The following PGM1 variants were observed in gnomAD, a reference collection of about 807,000 sequenced individuals.
PGM1 encodes phosphoglucomutase 1.
In PGM1, 52 loss-of-function variants were observed where a neutral mutation model predicts 55.6. The ratio of observed to expected loss-of-function variants is 0.94; its 90% CI spans 0.75 to 1.18. The LOEUF (loss-of-function observed/expected upper bound fraction) is 1.18. PGM1 is among the 50% of genes most tolerant of loss of function. The pLI is 0.00. For missense variants in PGM1, 724 were observed against 729.3 expected (o/e 0.99, Z 0.08); for synonymous variants, 287 against 271.7 (o/e 1.06, Z -0.55).
At chr1:63,615,874 A>G (rs1297892521) in intron 1 of PGM1, among the ~76,000 whole-genome samples, 2 of 151,874 alleles carry the variant, frequency 1.3e-5, no homozygotes, top group Admixed American at 1.3e-4. Context: ...CTGCCACAAA[A>G]CTTAAAGGGG....
chr1:63,593,796 G>T, intron 1 of PGM1, 62 bp downstream of exon 1: 1 of 1,486,208 alleles, frequency 6.7e-7, no homozygotes, highest in South Asian at 1.3e-5. Context: ...TGCGGCCCGC[G>T]GCGCCCTCCC....
At chr1:63,629,226 G>A (rs755314488) in intron 1 of PGM1, among the ~76,000 whole-genome samples, 199 bp from the exon 2 acceptor site, 2 of 152,166 alleles carry the variant, frequency 1.3e-5, no homozygotes, top group Non-Finnish European at 2.9e-5. Flanking sequence ...GAAGGAATTT[G>A]TTCAACATTG....
At chr1:63,604,959 G>GTGTGTGTGTGTGTGTGTGTT (rs58900430) in intron 1 of PGM1, among the ~76,000 whole-genome samples, 62 of 134,290 alleles carry the variant, frequency 4.6e-4, no homozygotes, top group African/African-American at 5.6e-4. Context: ...GTGTGTGTGT[G>GTGTGTGTGTGTGTGTGTGTT]TAAAGAGAGG....
Position 63,638,749 on chromosome 1 carries a change from T to G in PGM1, c.1093T>G (p.Leu365Val). ...TPTGWKFFGN[L>V]MDASKLSLCG... ...AACTGGCTGGAAGTTTTTTGGGAAT[T>G]TGATGGACGCGAGCAAACTGTCCCT... The change falls in exon 7 of 11, where the codon TTG (leucine) becomes GTG (valine). Residue 365 changes from leucine (L) to valine (V), a missense_variant. Leu to Val is a conservative substitution (Grantham distance 32). This residue lies in a region of PGM1 where 316 missense variants were observed against 313.1 expected (regional missense o/e 1.01). Transcript: ENST00000371084. 2 of 1,614,120 alleles carry G rather than the reference T, an allele frequency of 1.2e-6. No homozygotes were observed. The highest frequency in any genetic ancestry group is 1.7e-6 in the Non-Finnish European group (2 of 1,179,982).
At chr1:63,616,946 C>T (rs1648730201) in intron 1 of PGM1, among the ~76,000 whole-genome samples, 3 of 152,184 alleles carry the variant, frequency 2.0e-5, no homozygotes, top group South Asian at 4.1e-4. Context: ...AGATTCAGAG[C>T]AGTGCTAAAG....
intron 1 of PGM1, among the ~76,000 whole-genome samples, chr1:63,605,002 G>A (rs1648377753): frequency 6.7e-6 from 1 of 149,692 alleles, no homozygotes; most frequent in African/African-American, 2.4e-5. Context: ...ATGTAGACCA[G>A]TCACTAGCCA....
At chr1:63,644,275 G>C (rs1649596634) in intron 7 of PGM1, among the ~76,000 whole-genome samples, 1 of 152,208 alleles carries the variant, frequency 6.6e-6, no homozygotes, top group Non-Finnish European at 1.5e-5. Context: ...GCGGAGCAAG[G>C]GTGAAGAGAC....
At chr1:63,638,963 A>G (rs909745777) in intron 7 of PGM1, among the ~76,000 whole-genome samples, 163 bp downstream of exon 7, 1 of 151,602 alleles carries the variant, frequency 6.6e-6, no homozygotes, top group African/African-American at 2.4e-5. Flanking sequence ...ACATTTGAAA[A>G]GGGGTGAGCA....
intron 7 of PGM1, among the ~76,000 whole-genome samples, chr1:63,644,012 C>T (rs80046827): frequency 0.12 from 18,083 of 152,172 alleles, 1,203 homozygotes; most frequent in South Asian, 0.17. Context: ...GCTGTCATGC[C>T]CCCATCCTCA....
intron 1 of PGM1, among the ~76,000 whole-genome samples, chr1:63,603,749 G>T (rs1038266523): frequency 6.6e-6 from 1 of 152,106 alleles, no homozygotes; most frequent in African/African-American, 2.4e-5. Context: ...TAACACAACA[G>T]GTATGTCTTT....
chr1:63,657,089 C>T (rs1468992232), intron 10 of PGM1, among the ~76,000 whole-genome samples: 4 of 152,092 alleles, frequency 2.6e-5, no homozygotes, highest in Non-Finnish European at 2.9e-5. Context: ...ATATTATATA[C>T]CTTAAACATA....
At chr1:63,600,635 G>A (rs1648216063) in intron 1 of PGM1, among the ~76,000 whole-genome samples, 1 of 152,170 alleles carries the variant, frequency 6.6e-6, no homozygotes, top group South Asian at 2.1e-4. Flanking sequence ...TCTTTTTAGT[G>A]CAGCAATTGG....
chr1:63,626,436 AT>A (rs1399723312), intron 1 of PGM1, among the ~76,000 whole-genome samples: 1 of 152,098 alleles, frequency 6.6e-6, no homozygotes. Flanking sequence ...GAATTTGCCT[AT>A]TCTAGTTACC....
intron 1 of PGM1, among the ~76,000 whole-genome samples, chr1:63,595,682 C>T (rs929803126): frequency 7.2e-5 from 11 of 152,066 alleles, no homozygotes; most frequent in African/African-American, 2.7e-4. Context: ...TTCAACAGAT[C>T]CTGTTGAATA....
At chr1:63,598,619 A>G (rs1433126685) in intron 1 of PGM1, among the ~76,000 whole-genome samples, 1 of 152,256 alleles carries the variant, frequency 6.6e-6, no homozygotes, top group Non-Finnish European at 1.5e-5. Flanking sequence ...TACATTTATA[A>G]TAAAAGGAGG....
chr1:63,623,133 G>T, intron 1 of PGM1: 1 of 905,728 alleles, frequency 1.1e-6, no homozygotes, highest in Non-Finnish European at 1.4e-6. Flanking sequence ...ACTCCTTGGA[G>T]CTATCTCTAC....
At position 63,598,430 on chromosome 1, in the gene PGM1, T is replaced by A. The variant is rs145763992; in HGVS notation, c.246+4696T>A. 1.4e-4 allele frequency among the ~76,000 whole-genome samples: 22 copies of A among 152,322 alleles called. No individual in the cohort carries two copies. In the East Asian group the frequency reaches 4.0e-3, roughly 28 times the overall value. ...CTGACATAGGAAGATTTGTGGAGGA[T>A]TTAATACTGCCTTACTTCAAAGTAG... On this transcript the variant is annotated intron_variant, in intron 1 of 10. Transcript: ENST00000371084.
chr1:63,603,329 T>C (rs1648295221), intron 1 of PGM1, among the ~76,000 whole-genome samples: 1 of 152,154 alleles, frequency 6.6e-6, no homozygotes, highest in Non-Finnish European at 1.5e-5. Flanking sequence ...TGAGAGTGGC[T>C]GAGGATAATG....
intron 7 of PGM1, among the ~76,000 whole-genome samples, chr1:63,641,309 A>ACCT (rs1649509792): frequency 6.6e-6 from 1 of 152,180 alleles, no homozygotes; most frequent in Admixed American, 6.5e-5. Flanking sequence ...AAAAAAAGAA[A>ACCT]ATTTTTGTGT....
Sources: gnomAD v4.1 joint callset for allele counts (sites outside exome capture counted in the v4.1 genomes callset) on GRCh38, gnomAD v4.1.1 for gene constraint, gnomAD v4.1.1 regional missense constraint, MANE v1.5 for transcripts, NCBI Gene and HGNC (gene_info 2026-07-23, HGNC 2026-07-21) for gene names.